Variants in SLC2A12 observed in about 807,000 individuals in gnomAD.
SLC2A12 encodes the protein solute carrier family 2, facilitated glucose transporter member 12.
Under a neutral mutation model 41.8 loss-of-function variants are expected in SLC2A12, and 23 were observed. That is an observed-to-expected ratio of 0.55 (90% CI 0.40 to 0.78). SLC2A12 has a LOEUF of 0.78. Ranked by LOEUF, SLC2A12 falls within the 30% of genes least tolerant of loss-of-function variation. The pLI, the probability that SLC2A12 is intolerant of heterozygous loss-of-function variation, is 0.00. For missense variants in SLC2A12, 654 were observed against 745.6 expected (o/e 0.88, Z 1.43); for synonymous variants, 295 against 285.9 (o/e 1.03, Z -0.32).
At chr6:133,999,178 C>G (rs1776727534) in intron 4 of SLC2A12, among the ~76,000 whole-genome samples, 1 of 152,142 alleles carries the variant, frequency 6.6e-6, no homozygotes, top group Admixed American at 6.5e-5. Flanking sequence ...TAGAGCTACT[C>G]AGGGCTTCGA....
At chr6:134,032,867 T>TG (rs1777241237) in intron 1 of SLC2A12, among the ~76,000 whole-genome samples, 1 of 142,790 alleles carries the variant, frequency 7.0e-6, no homozygotes, top group Admixed American at 7.1e-5. Flanking sequence ...ATATAATATA[T>TG]TACATATATT....
At chr6:134,017,977 C>T (rs1776986364) in intron 2 of SLC2A12, among the ~76,000 whole-genome samples, 1 of 152,210 alleles carries the variant, frequency 6.6e-6, no homozygotes, top group South Asian at 2.1e-4. Flanking sequence ...TCCTAGGAAG[C>T]CCTCTGGACT....
chr6:134,045,741 C>A (rs1562205936), intron 1 of SLC2A12, among the ~76,000 whole-genome samples: 1 of 152,098 alleles, frequency 6.6e-6, no homozygotes, highest in Non-Finnish European at 1.5e-5. Context: ...ACTTGGCCCA[C>A]AAGAATCATT....
intron 2 of SLC2A12, among the ~76,000 whole-genome samples, chr6:134,016,162 C>A (rs1776959120): frequency 6.6e-6 from 1 of 152,010 alleles, no homozygotes; most frequent in Admixed American, 6.6e-5. Flanking sequence ...TGTATAATAG[C>A]CTTGTTGTAG....
At chr6:134,009,895 A>G (rs1232328755) in intron 2 of SLC2A12, among the ~76,000 whole-genome samples, 1 of 152,130 alleles carries the variant, frequency 6.6e-6, no homozygotes, top group Non-Finnish European at 1.5e-5. Context: ...CAGATTGTAA[A>G]ATCACAGGTT....
At chr6:133,993,852 C>CCTGTGTGG (rs1776652733) in intron 4 of SLC2A12, among the ~76,000 whole-genome samples, 1 of 152,126 alleles carries the variant, frequency 6.6e-6, no homozygotes, top group African/African-American at 2.4e-5. Context: ...CAGCCTCTGG[C>CCTGTGTGG]CTGTGTGGCT....
chr6:134,028,671 G>A lies in SLC2A12; in HGVS notation c.1154C>T (p.Ser385Phe). 1 of 1,614,176 alleles carries A rather than the reference G, an allele frequency of 6.2e-7. No homozygotes were observed. Among genetic ancestry groups the A allele is most frequent in the South Asian group, 1.1e-5 (1 of 91,066 alleles). Residue 385 changes from serine (S) to phenylalanine (F), a missense_variant, in exon 2 of 5, where the codon TCC becomes TTC. Coordinates refer to ENST00000275230, the MANE Select transcript of SLC2A12 (RefSeq NM_145176.3). ...TCCATAAATCACAGACTCATCCAAG[G>A]ACTGGTTGATAGAATTGTGGCTTCT... is the stretch of plus-strand genomic sequence containing the variant. ...ICRSHNSINQ[S>F]LDESVIYGPG...
intron 1 of SLC2A12, among the ~76,000 whole-genome samples, chr6:134,037,084 G>A (rs73776503): frequency 0.019 from 2,811 of 151,192 alleles, 86 homozygotes; most frequent in African/African-American, 0.065. Flanking sequence ...TGAGACTCAG[G>A]CTATTCCCTT....
intron 4 of SLC2A12, among the ~76,000 whole-genome samples, chr6:134,001,357 A>T (rs1254104590): frequency 6.6e-6 from 1 of 152,206 alleles, no homozygotes; most frequent in East Asian, 1.9e-4. Flanking sequence ...CAGAAGATTC[A>T]CATCCTCTGT....
At chr6:134,025,047 CACTT>C (rs1406850839) in intron 2 of SLC2A12, among the ~76,000 whole-genome samples, 1 of 152,184 alleles carries the variant, frequency 6.6e-6, no homozygotes, top group African/African-American at 2.4e-5. Context: ...AGTACATGTT[CACTT>C]ACTTAGCAGA....
chr6:134,013,253 C>T (rs1341162822), intron 2 of SLC2A12, among the ~76,000 whole-genome samples: 1 of 151,940 alleles, frequency 6.6e-6, no homozygotes, highest in Non-Finnish European at 1.5e-5. Flanking sequence ...CATCATTGCA[C>T]TCCAGCCTGG....
chr6:134,004,285 TGA>T (rs1452775753), intron 3 of SLC2A12, among the ~76,000 whole-genome samples: 1 of 152,184 alleles, frequency 6.6e-6, no homozygotes. Context: ...TTTATGTGTG[TGA>T]TCTGAGTAGG....
chr6:134,005,907 G>C (rs899406837), intron 3 of SLC2A12, among the ~76,000 whole-genome samples: 1 of 151,422 alleles, frequency 6.6e-6, no homozygotes, highest in Admixed American at 6.6e-5. Context: ...GTGGTGGCTC[G>C]TGCCTGTAAT....
In SLC2A12 at chr6:134,052,422, A is replaced by G; in HGVS notation, c.59T>C (p.Val20Ala). The change falls in exon 1 of 5, where the codon GTG (valine) becomes GCG (alanine). Residue 20 changes from valine to alanine, a missense_variant. Transcript: ENST00000275230. ...CCGGCTGCCGCTGCCCTCCGTCTCC[A>G]CGGCTGTCCCCTTCTGGTTCAGCAG... is the stretch of plus-strand genomic sequence containing the variant. The part of the protein sequence containing the change: ...PSLLNQKGTA[V>A]ETEGSGSRHP... The G allele has an allele frequency of 6.2e-7, 1 of 1,613,356 alleles. No homozygotes were observed. Among genetic ancestry groups the G allele is most frequent in the South Asian group, 1.1e-5 (1 of 91,068 alleles).
At chr6:134,045,339 T>G (rs551866824) in intron 1 of SLC2A12, among the ~76,000 whole-genome samples, 2 of 152,312 alleles carry the variant, frequency 1.3e-5, no homozygotes, top group South Asian at 4.1e-4. Flanking sequence ...AGAGCAAACC[T>G]GGACTGGATT....
rs2114406264 is a variant in SLC2A12, at chr6:133,989,610, C to T, written c.*1545G>A. On this transcript the variant is annotated 3_prime_UTR_variant, in exon 5 of 5. Coordinates refer to ENST00000275230, the MANE Select transcript of SLC2A12 (RefSeq NM_145176.3). Reference sequence around the variant, plus strand: ...ATGATAGAATTGAGATCTCCAATCTCCTTTCCTTTTAGCTTCCCCCTGCCA... The same window carrying T: ...ATGATAGAATTGAGATCTCCAATCTTCTTTCCTTTTAGCTTCCCCCTGCCA... 6.6e-6 allele frequency: 1 copy of T among 152,288 alleles called. No homozygotes were observed. Among genetic ancestry groups the T allele is most frequent in the East Asian group, 1.9e-4 (1 of 5,178 alleles). 9.4% of individuals were successfully genotyped at this position (152,288 alleles called of 1,614,324 possible).
At chr6:134,044,733 A>AAAG (rs1777432765) in intron 1 of SLC2A12, among the ~76,000 whole-genome samples, 1 of 149,144 alleles carries the variant, frequency 6.7e-6, no homozygotes, top group Non-Finnish European at 1.5e-5. Flanking sequence ...AAAAAAAAAA[A>AAAG]AGAATAATGT....
chr6:134,001,917 A>G (rs962108060), intron 4 of SLC2A12, 80 bp downstream of exon 4: 2 of 1,436,444 alleles, frequency 1.4e-6, no homozygotes, highest in Non-Finnish European at 1.9e-6. Flanking sequence ...ATAATTTCAG[A>G]TATTATTCCT....
chr6:134,028,816 G>A lies in SLC2A12; in HGVS notation c.1009C>T (p.Leu337Phe). Residue 337 changes from leucine (L) to phenylalanine (F), a missense_variant, in exon 2 of 5, where the codon CTT becomes TTT. Around this residue, in one of 3 missense-constraint regions of SLC2A12, gnomAD observed 411 missense variants for 412.1 expected, o/e 1.00. Transcript: ENST00000275230. Reference protein sequence around the residue: ...KVISTIPATLLVDHVGSKTFL... With the variant: ...KVISTIPATLFVDHVGSKTFL... ...GTTTTGCTGCCGACATGGTCTACAAGAAGAGTGGCAGGGATGGTGCTAATG... is the reference window on the plus strand; with the variant it reads ...GTTTTGCTGCCGACATGGTCTACAAAAAGAGTGGCAGGGATGGTGCTAATG... 6 of 1,614,216 alleles carry A rather than the reference G, an allele frequency of 3.7e-6. No homozygotes were observed. Among genetic ancestry groups the A allele is most frequent in the Non-Finnish European group, 5.1e-6 (6 of 1,180,036 alleles).
Sources: allele counts gnomAD v4.1 joint callset (sites outside exome capture counted in the v4.1 genomes callset), GRCh38; gene constraint gnomAD v4.1.1; regional missense constraint gnomAD v4.1.1; transcripts MANE v1.5; gene names NCBI Gene and HGNC (gene_info 2026-07-23, HGNC 2026-07-21).